Variants in COL5A2 observed in about 807,000 individuals in gnomAD.
The protein encoded by COL5A2 is collagen type V alpha 2 chain, also known as collagen alpha-2(V) chain.
In COL5A2, 23 loss-of-function variants were observed where a neutral mutation model predicts 208.2. The ratio of observed to expected loss-of-function variants is 0.11; its 90% CI spans 0.08 to 0.16. The LOEUF (loss-of-function observed/expected upper bound fraction) is 0.16, where lower values mean the gene tolerates loss of function less well. Among genes scored for constraint, COL5A2 ranks in the 10% least tolerant of loss-of-function variants. The probability of loss-of-function intolerance (pLI) is 1.00; values close to 1 mark genes in which losing one functional copy is unlikely to be tolerated. For missense variants in COL5A2, 1,590 were observed against 1,956.4 expected, an observed-to-expected ratio of 0.81 and a Z score of 3.53; for synonymous variants, 625 against 628.5, an observed-to-expected ratio of 0.99 and a Z score of 0.08.
intron 1 of COL5A2, among the ~76,000 whole-genome samples, chr2:189,148,147 AC>A (rs1465482341): frequency 7.2e-5 from 11 of 152,182 alleles, no homozygotes; most frequent in Non-Finnish European, 1.3e-4. Flanking sequence ...CACTTAGATG[AC>A]AAGCTATATT....
chr2:189,416,910 A>T, the COL5A2 span, among the ~76,000 whole-genome samples: 2 of 152,120 alleles, frequency 1.3e-5, no homozygotes, highest in Non-Finnish European at 2.9e-5. Context: ...ATAAGATAAG[A>T]GCTTTTTAAA....
chr2:189,262,566 T>C, the COL5A2 span, among the ~76,000 whole-genome samples: 2 of 152,120 alleles, frequency 1.3e-5, no homozygotes, highest in Admixed American at 6.6e-5. Flanking sequence ...CTAAGCCCTG[T>C]CTGGCTCAGT....
At chr2:189,087,763 G>A (rs917479878) in intron 8 of COL5A2, among the ~76,000 whole-genome samples, 10 of 151,476 alleles carry the variant, frequency 6.6e-5, no homozygotes, top group Admixed American at 3.9e-4. Context: ...CACCGTGCCT[G>A]GCCAAAATCA....
chr2:189,423,063 A>C, the COL5A2 span, among the ~76,000 whole-genome samples: 4 of 151,826 alleles, frequency 2.6e-5, no homozygotes, highest in South Asian at 4.1e-4. Context: ...AATTCACCCC[A>C]AAAAATGGAT....
chr2:189,092,351 G>A lies in COL5A2; in HGVS notation c.526C>T (p.Pro176Ser). Reference protein sequence around the residue: ...VPGQPGAPGPPGHPSHPGPDG... With the variant: ...VPGQPGAPGPSGHPSHPGPDG... ...GGTCCTGGGTGGGACGGATGTCCAGGAGGTCCTGGAGCACCAGGTTGACCA... is the reference window on the plus strand; with the variant it reads ...GGTCCTGGGTGGGACGGATGTCCAGAAGGTCCTGGAGCACCAGGTTGACCA... Residue 176 changes from proline (P) to serine (S), a missense_variant, in exon 7 of 54, where the codon CCT becomes TCT. Transcript: ENST00000374866. The A allele has an allele frequency of 1.2e-6, 2 of 1,610,076 alleles. No individual in the cohort carries two copies. The highest frequency in any genetic ancestry group is 1.7e-6 in the Non-Finnish European group (2 of 1,178,230).
At chr2:189,076,322 C>T (rs1188120446) in intron 16 of COL5A2, among the ~76,000 whole-genome samples, 2 of 152,146 alleles carry the variant, frequency 1.3e-5, no homozygotes, top group African/African-American at 4.8e-5. Flanking sequence ...GCTGGATTTC[C>T]CACTGGTCAG....
chr2:189,384,642 T>C, the COL5A2 span, among the ~76,000 whole-genome samples: 4 of 152,302 alleles, frequency 2.6e-5, no homozygotes, highest in South Asian at 8.3e-4. Context: ...ATATTCTGGT[T>C]ATTAATCTCT....
chr2:189,398,474 A>G, the COL5A2 span, among the ~76,000 whole-genome samples: 1,277 of 152,208 alleles, frequency 8.4e-3, 18 homozygotes, highest in African/African-American at 0.029. Context: ...GGAAATTATT[A>G]TATCTTCCTT....
chr2:189,371,369 TGGAACTG>T, the COL5A2 span, among the ~76,000 whole-genome samples: 3 of 152,178 alleles, frequency 2.0e-5, no homozygotes, highest in Non-Finnish European at 2.9e-5. Context: ...GAACTGGCTT[TGGAACTG>T]GGTAATAGGC....
chr2:189,432,680 G>A, the COL5A2 span, among the ~76,000 whole-genome samples: 1 of 152,108 alleles, frequency 6.6e-6, no homozygotes, highest in East Asian at 1.9e-4. Context: ...GATTCATAAA[G>A]CAAGTCCTTA....
At chr2:189,298,457 T>C in the COL5A2 span, among the ~76,000 whole-genome samples, 3 of 152,180 alleles carry the variant, frequency 2.0e-5, no homozygotes, top group Non-Finnish European at 4.4e-5. Context: ...CTCTTCCTGC[T>C]GGGGTCCCCC....
chr2:189,353,627 T>C, the COL5A2 span, among the ~76,000 whole-genome samples: 2 of 152,238 alleles, frequency 1.3e-5, no homozygotes, highest in Non-Finnish European at 2.9e-5. Flanking sequence ...TTGTGATTTC[T>C]GCACATTGAT....
chr2:189,364,295 T>C, the COL5A2 span, among the ~76,000 whole-genome samples: 1 of 152,222 alleles, frequency 6.6e-6, no homozygotes, highest in Non-Finnish European at 1.5e-5. Context: ...TAAGAAATTA[T>C]TTTGATTAAC....
chr2:189,110,409 C>G lies in COL5A2; in HGVS notation c.138G>C (p.Gln46His). The G allele has an allele frequency of 1.9e-6, 3 of 1,614,112 alleles. No individual in the cohort carries two copies. The highest frequency in any genetic ancestry group is 2.5e-6 in the Non-Finnish European group (3 of 1,180,004). Reference sequence around the variant, plus strand: ...TCCAAATGTCCCTGTTTAAGTACATCTGGCCATTCTGAGTGCAGGCTATTT... The same window carrying G: ...TCCAAATGTCCCTGTTTAAGTACATGTGGCCATTCTGAGTGCAGGCTATTT... Reference protein sequence around the residue: ...GEEIACTQNGQMYLNRDIWKP... With the variant: ...GEEIACTQNGHMYLNRDIWKP... Residue 46 changes from glutamine (Q) to histidine (H), a missense_variant, in exon 2 of 54, where the codon CAG (glutamine) becomes CAC (histidine). Physicochemically the swap from Gln to His is conservative, Grantham distance 24. Transcript: ENST00000374866.
chr2:189,097,980 A>C (rs1268960419), intron 5 of COL5A2, among the ~76,000 whole-genome samples: 1 of 152,190 alleles, frequency 6.6e-6, no homozygotes, highest in African/African-American at 2.4e-5. Context: ...TTAAATAACA[A>C]ATGACTATTA....
chr2:189,134,419 T>C (rs528639535), intron 1 of COL5A2, among the ~76,000 whole-genome samples: 64 of 152,178 alleles, frequency 4.2e-4, no homozygotes, highest in African/African-American at 1.5e-3. Flanking sequence ...CGAAACCCCG[T>C]CTCCACTAAA....
rs1246254648 is a variant in COL5A2 at position 189,067,874 on chromosome 2, T to C, written c.1401+141A>G. The C allele has an allele frequency of 6.7e-6, 5 of 742,122 alleles. No individual in the cohort carries two copies. In the East Asian group the frequency reaches 1.3e-4, roughly 20 times the overall value. The allele number at this position is 742,122 out of a possible 1,614,324, so 46.0% of individuals were successfully genotyped here. On this transcript the variant is annotated intron_variant, in intron 21 of 53. Coordinates refer to ENST00000374866, the MANE Select transcript of COL5A2 (RefSeq NM_000393.5). ...TAAGTTGTACCTCAACATTTAGCTTTCACTTCACAAAGACTCCCATCTTCC... is the reference window on the plus strand; with the variant it reads ...TAAGTTGTACCTCAACATTTAGCTTCCACTTCACAAAGACTCCCATCTTCC...
intron 1 of COL5A2, among the ~76,000 whole-genome samples, chr2:189,160,938 C>T (rs961333406): frequency 6.8e-6 from 1 of 146,606 alleles, no homozygotes; most frequent in Non-Finnish European, 1.5e-5. Context: ...TCAAGTGATT[C>T]TCCTGCCTCA....
chr2:189,148,161 G>A (rs1344704946), intron 1 of COL5A2, among the ~76,000 whole-genome samples: 1 of 152,066 alleles, frequency 6.6e-6, no homozygotes, highest in Non-Finnish European at 1.5e-5. Flanking sequence ...GCTATATTAT[G>A]ATGTGAAAGA....
Sources: allele counts gnomAD v4.1 joint callset (sites outside exome capture counted in the v4.1 genomes callset), GRCh38; gene constraint gnomAD v4.1.1; transcripts MANE v1.5; gene names NCBI Gene and HGNC (gene_info 2026-07-23, HGNC 2026-07-21).